The following COMMD1 variants were observed in gnomAD, a reference collection of about 807,000 sequenced individuals.
The protein encoded by COMMD1 is COMM domain-containing protein 1.
A neutral mutation model predicts 17.2 loss-of-function variants in COMMD1; 10 were observed. The ratio of observed to expected loss-of-function variants is 0.58; its 90% confidence interval spans 0.36 to 0.99. COMMD1 has a LOEUF of 0.99. Ranked by LOEUF, COMMD1 falls within the 50% of genes least tolerant of loss-of-function variation. COMMD1 has a pLI of 0.01. For synonymous variants in COMMD1, 97 were observed against 91.6 expected (o/e 1.06, Z -0.34); for missense variants, 270 against 231.8 (o/e 1.17, Z -1.07).
Position 62,033,140 on chromosome 2 carries a change from G to A in COMMD1, c.462+32158G>A, listed in dbSNP as rs544790722. 3.9e-5 allele frequency among the ~76,000 whole-genome samples: 6 copies of A among 152,118 alleles called. No individual in the cohort carries two copies. In the South Asian group the frequency reaches 6.2e-4, roughly 16 times the overall value. ...ACATCTTAGGTTTAGATTTTTGAAC[G>A]ATTTATGACTTAGCTGTATTTGGTT... On this transcript the variant is annotated intron_variant, in intron 2 of 2. Coordinates refer to ENST00000311832, the MANE Select transcript of COMMD1 (RefSeq NM_152516.4).
At chr2:62,065,041 A>T (rs1670989281) in intron 2 of COMMD1, among the ~76,000 whole-genome samples, 1 of 152,060 alleles carries the variant, frequency 6.6e-6, no homozygotes, top group South Asian at 2.1e-4. Context: ...GGCGGCAAGC[A>T]CCTGTAATCC....
chr2:61,903,581 T>C (rs1346009912), upstream of COMMD1, among the ~76,000 whole-genome samples: 2 of 151,944 alleles, frequency 1.3e-5, no homozygotes, highest in Admixed American at 6.6e-5. Context: ...AGATGAAGTT[T>C]TGCTCTTGTC....
At chr2:62,010,199 C>G (rs1669240704) in intron 2 of COMMD1, among the ~76,000 whole-genome samples, 1 of 152,106 alleles carries the variant, frequency 6.6e-6, no homozygotes, top group South Asian at 2.1e-4. Flanking sequence ...GTTACTGGAT[C>G]CATAATCAAC....
chr2:62,027,644 ATGTTATGTTATGTTG>A lies in COMMD1; in HGVS notation c.462+26677_462+26691del, dbSNP rs1349407528. Among the ~76,000 whole-genome samples the A allele has an allele frequency of 8.0e-3, 1,187 of 148,822 alleles. 20 individuals carry two copies. Among genetic ancestry groups the A allele is most frequent in the African/African-American group, 0.028 (1,086 of 38,652 alleles). On this transcript the variant is annotated intron_variant, in intron 2 of 2. Coordinates refer to ENST00000311832, the MANE Select transcript of COMMD1 (RefSeq NM_152516.4). ...AATTTATGTTATGTTATGTTATGTT[ATGTTATGTTATGTTG>A]TGTTATGTTATGTTATGTTATGTTA...
chr2:61,966,331 A>C (rs1671504001), intron 1 of COMMD1, among the ~76,000 whole-genome samples: 2 of 152,340 alleles, frequency 1.3e-5, no homozygotes, highest in South Asian at 4.1e-4. Flanking sequence ...TTTGGAAGCC[A>C]TCCAGAGGTG....
intron 1 of COMMD1, among the ~76,000 whole-genome samples, chr2:61,927,553 T>C (rs1238201096): frequency 1.3e-5 from 2 of 152,048 alleles, no homozygotes; most frequent in Non-Finnish European, 2.9e-5. Context: ...CCCGCCACCA[T>C]GCCCGGCTAA....
chr2:61,975,118 C>CTTT, intron 1 of COMMD1, among the ~76,000 whole-genome samples: 1,835 of 79,768 alleles, frequency 0.023, no homozygotes, highest in Non-Finnish European at 0.027. Flanking sequence ...TCATTTCTTT[C>CTTT]TTTTTTTTTT....
At chr2:61,977,829 A>C (rs1671846860) in intron 1 of COMMD1, among the ~76,000 whole-genome samples, 1 of 151,122 alleles carries the variant, frequency 6.6e-6, no homozygotes, top group South Asian at 2.1e-4. Context: ...TCTACTAAAA[A>C]TACAAAAATT....
At chr2:62,032,616 T>C (rs1669938197) in intron 2 of COMMD1, among the ~76,000 whole-genome samples, 1 of 152,236 alleles carries the variant, frequency 6.6e-6, no homozygotes, top group African/African-American at 2.4e-5. Context: ...GTTCAAAGCT[T>C]CAGGCATGTT....
intron 1 of COMMD1, among the ~76,000 whole-genome samples, chr2:61,963,020 T>G (rs1671399584): frequency 6.6e-6 from 1 of 151,446 alleles, no homozygotes; most frequent in African/African-American, 2.4e-5. Flanking sequence ...ATTAGCTGGG[T>G]GTGGTGGCAC....
chr2:62,097,997 C>T (rs919754944), intron 2 of COMMD1, among the ~76,000 whole-genome samples: 1 of 151,924 alleles, frequency 6.6e-6, no homozygotes, highest in Non-Finnish European at 1.5e-5. Flanking sequence ...TTTTTGCATT[C>T]TTTTTTTAAA....
chr2:61,888,549 T>C (rs1364053195), upstream of COMMD1: 5 of 1,594,682 alleles, frequency 3.1e-6, no homozygotes, highest in South Asian at 1.1e-5. Flanking sequence ...GAAGGACGGA[T>C]GGACCCGGAT....
chr2:61,892,365 T>C (rs1351153909), intron 1 of COMMD1, among the ~76,000 whole-genome samples: 1 of 151,848 alleles, frequency 6.6e-6, no homozygotes, highest in Non-Finnish European at 1.5e-5. Flanking sequence ...CCCTCAATAA[T>C]AGGACTGAGC....
At chr2:61,914,718 T>C (rs112668806) in intron 1 of COMMD1, among the ~76,000 whole-genome samples, 3 of 151,844 alleles carry the variant, frequency 2.0e-5, no homozygotes, top group African/African-American at 7.3e-5. Context: ...TGAAACAGAG[T>C]CTCACTCTGT....
At chr2:62,039,429 G>C (rs1277719932) in intron 2 of COMMD1, among the ~76,000 whole-genome samples, 1 of 152,220 alleles carries the variant, frequency 6.6e-6, no homozygotes, top group African/African-American at 2.4e-5. Context: ...TCTTTGAGGA[G>C]TTGATTAGCA....
At chr2:61,951,146 T>A (rs1239827885) in intron 1 of COMMD1, among the ~76,000 whole-genome samples, 1 of 151,774 alleles carries the variant, frequency 6.6e-6, no homozygotes, top group Non-Finnish European at 1.5e-5. Flanking sequence ...CAGAGGGAAG[T>A]TGGATAAGGG....
At chr2:62,031,588 G>A (rs1669908450) in intron 2 of COMMD1, among the ~76,000 whole-genome samples, 1 of 152,162 alleles carries the variant, frequency 6.6e-6, no homozygotes, top group Non-Finnish European at 1.5e-5. Flanking sequence ...ATTAAACTGA[G>A]GAGCCAGGGT....
chr2:61,953,371 CTT>C (rs58439320), intron 1 of COMMD1, among the ~76,000 whole-genome samples: 12 of 127,074 alleles, frequency 9.4e-5, no homozygotes, highest in Non-Finnish European at 1.4e-4. Flanking sequence ...TTTTTCTTTT[CTT>C]TTTTTTTTTT....
At chr2:62,021,903 A>G (rs1248684543) in intron 2 of COMMD1, among the ~76,000 whole-genome samples, 10 of 152,162 alleles carry the variant, frequency 6.6e-5, no homozygotes, top group Non-Finnish European at 1.5e-4. Context: ...TCTCTAACAG[A>G]TACTTGATTT....
Sources: gnomAD v4.1 joint callset for allele counts (sites outside exome capture counted in the v4.1 genomes callset) on GRCh38, gnomAD v4.1.1 for gene constraint, MANE v1.5 for transcripts, NCBI Gene and HGNC (gene_info 2026-07-23, HGNC 2026-07-21) for gene names.